The following RABGAP1 variants were observed in gnomAD, a reference collection of about 807,000 sequenced individuals.
RABGAP1 encodes the protein RAB GTPase activating protein 1, also known as rab GTPase-activating protein 1.
In RABGAP1, 23 loss-of-function variants were observed where a neutral mutation model predicts 137.6. The ratio of observed to expected loss-of-function variants is 0.17; its 90% CI spans 0.12 to 0.24. The LOEUF is 0.24. Among genes scored for constraint, RABGAP1 ranks in the 10% least tolerant of loss-of-function variants. The pLI, the probability that RABGAP1 is intolerant of heterozygous loss-of-function variation, is 1.00. For missense variants in RABGAP1, 906 were observed against 1,275.8 expected, an observed-to-expected ratio of 0.71 and a Z score of 4.42; for synonymous variants, 451 against 450.7, an observed-to-expected ratio of 1.00 and a Z score of -0.01.
intron 13 of RABGAP1, among the ~76,000 whole-genome samples, chr9:123,052,813 G>A (rs533297695): frequency 6.6e-6 from 1 of 152,198 alleles, no homozygotes; most frequent in African/African-American, 2.4e-5. Context: ...GATGGTGCAC[G>A]CCTGTAATCC....
chr9:122,997,288 G>A lies in RABGAP1; in HGVS notation c.1131G>A (p.Lys377=). The A allele has an allele frequency of 6.2e-7, 1 of 1,610,302 alleles. No individual in the cohort carries two copies. Among genetic ancestry groups the A allele is most frequent in the Non-Finnish European group, 8.5e-7 (1 of 1,178,670 alleles). Residue 377 remains lysine, a synonymous_variant, in exon 9 of 26, where the codon AAG becomes AAA. Coordinates refer to ENST00000373647, the MANE Select transcript of RABGAP1 (RefSeq NM_012197.4). The part of the protein sequence containing the change: ...LESMGKSSDG[K]SYVITGSWNP... Reference sequence around the variant, plus strand: ...CTATGGGCAAAAGTTCAGATGGAAAGTCGTATGTTATTACGGGGAGCTGGA... The same window carrying A: ...CTATGGGCAAAAGTTCAGATGGAAAATCGTATGTTATTACGGGGAGCTGGA...
rs549646858 is a variant in RABGAP1 at position 123,087,076 on chromosome 9, C to T, written c.2425-2682C>T. ...GTAAGAAGCAAATGAGATGTTGGTCCGTGTAAAAGTTCTATTATTTACCAG... is the reference window on the plus strand; with the variant it reads ...GTAAGAAGCAAATGAGATGTTGGTCTGTGTAAAAGTTCTATTATTTACCAG... On this transcript the variant is annotated intron_variant, in intron 19 of 25. Transcript: ENST00000373647. 1.3e-3 allele frequency among the ~76,000 whole-genome samples: 191 copies of T among 152,220 alleles called. 1 individual carries two copies. The highest frequency in any genetic ancestry group is 4.3e-3 in the African/African-American group (178 of 41,514).
chr9:123,059,917 T>C (rs772227021), intron 13 of RABGAP1, among the ~76,000 whole-genome samples: 35 of 152,356 alleles, frequency 2.3e-4, no homozygotes, highest in African/African-American at 3.4e-4. Context: ...TAGGCTGTTA[T>C]ATTAGTCTTG....
At chr9:122,973,462 T>C (rs1033627340) in intron 2 of RABGAP1, among the ~76,000 whole-genome samples, 1 of 152,008 alleles carries the variant, frequency 6.6e-6, no homozygotes, top group South Asian at 2.1e-4. Flanking sequence ...GGTCTCGATC[T>C]GACCTCGTGA....
Position 123,097,805 on chromosome 9 carries a change from C to T in RABGAP1, c.2693C>T (p.Ala898Val). The T allele has an allele frequency of 9.9e-6, 16 of 1,613,830 alleles. No individual in the cohort carries two copies. Among genetic ancestry groups the T allele is most frequent in the Non-Finnish European group, 1.4e-5 (16 of 1,179,906 alleles). ...LLMTKQKLID[A>V]EEEKRRLEEE... is the part of the protein sequence containing the mutation. ...ATGACCAAACAGAAGTTGATTGATG[C>T]AGAAGAAGAGAAAAGACGGCTGGAA... The change falls in exon 22 of 26, where the codon GCA becomes GTA. Residue 898 changes from alanine to valine, a missense_variant. This residue lies in a region of RABGAP1 where 193 missense variants were observed against 248.1 expected (regional missense o/e 0.78). Transcript: ENST00000373647.
chr9:122,974,415 CTTTTTTTTTT>C (rs11331973), intron 2 of RABGAP1, among the ~76,000 whole-genome samples: 41 of 58,232 alleles, frequency 7.0e-4, no homozygotes, highest in African/African-American at 2.6e-3. Context: ...ATGGCTTTGT[CTTTTTTTTTT>C]TTTTTTTTTT....
intron 15 of RABGAP1, chr9:123,071,516 T>C (rs2034355306): frequency 6.6e-6 from 1 of 152,246 alleles, no homozygotes; most frequent in Non-Finnish European, 1.5e-5. Flanking sequence ...ATAAGAGACA[T>C]GGTCTCAATC....
chr9:122,934,225 G>C, the RABGAP1 span, among the ~76,000 whole-genome samples: 1 of 151,544 alleles, frequency 6.6e-6, no homozygotes. Context: ...CTACAGGTGC[G>C]TGCCACCACA....
chr9:123,057,753 C>G (rs1387625836), intron 13 of RABGAP1, among the ~76,000 whole-genome samples: 1 of 152,210 alleles, frequency 6.6e-6, no homozygotes, highest in Non-Finnish European at 1.5e-5. Context: ...TGCACTCCAG[C>G]CTGGGCACCA....
At chr9:122,986,810 A>G (rs181730566) in intron 4 of RABGAP1, among the ~76,000 whole-genome samples, 3 of 152,292 alleles carry the variant, frequency 2.0e-5, no homozygotes, top group African/African-American at 7.2e-5. Context: ...TATTAACTAT[A>G]CCAGCACACC....
intron 19 of RABGAP1, among the ~76,000 whole-genome samples, chr9:123,077,602 T>TA (rs1291652140): frequency 1.2e-4 from 18 of 151,888 alleles, no homozygotes; most frequent in Non-Finnish European, 2.5e-4. Context: ...GTGTTCATGT[T>TA]ATCATAACAT....
At position 123,099,527 on chromosome 9, in the gene RABGAP1, A is replaced by C. The variant is rs753758770; in HGVS notation, c.2867A>C (p.Lys956Thr). 1 of 1,612,714 alleles carries C rather than the reference A, an allele frequency of 6.2e-7. No individual in the cohort carries two copies. The highest frequency in any genetic ancestry group is 1.1e-5 in the South Asian group (1 of 91,044). ...TTGGAGAAGCAGCAGACAGCCAATA[A>C]GGTGGAAATTGAGAAAATTCGGGTA... Reference protein sequence around the residue: ...ERLEKQQTANKVEIEKIRQKV... With the variant: ...ERLEKQQTANTVEIEKIRQKV... Residue 956 changes from lysine to threonine, a missense_variant, in exon 24 of 26, where the codon AAG becomes ACG. Lys to Thr is a moderately conservative substitution (Grantham distance 78). Transcript: ENST00000373647.
chr9:122,997,281 A>C lies in RABGAP1; in HGVS notation c.1124A>C (p.Asp375Ala). Residue 375 changes from aspartate (D) to alanine (A), a missense_variant, in exon 9 of 26, where the codon GAT (aspartate) becomes GCT (alanine). Asp to Ala is a moderately radical substitution (Grantham distance 126). This residue lies in a region of RABGAP1 where 212 missense variants were observed against 289.4 expected (regional missense o/e 0.73). Coordinates refer to ENST00000373647, the MANE Select transcript of RABGAP1 (RefSeq NM_012197.4). The part of the protein sequence containing the change: ...LDLESMGKSS[D>A]GKSYVITGSW... ...TAGGAATCTATGGGCAAAAGTTCAG[A>C]TGGAAAGTCGTATGTTATTACGGGG... is the stretch of plus-strand genomic sequence containing the variant. 6.2e-6 allele frequency: 10 copies of C among 1,606,486 alleles called. No homozygotes were observed. Among genetic ancestry groups the C allele is most frequent in the Non-Finnish European group, 8.5e-6 (10 of 1,177,774 alleles).
intron 11 of RABGAP1, 53 bp from the exon 12 acceptor site, chr9:123,015,490 C>T: frequency 8.7e-7 from 1 of 1,153,330 alleles, no homozygotes; most frequent in South Asian, 1.4e-5. Context: ...CAGTGTTCTT[C>T]TGGCTAGCAT....
At chr9:122,947,037 C>T (rs551949096) in intron 1 of RABGAP1, among the ~76,000 whole-genome samples, 1 of 152,184 alleles carries the variant, frequency 6.6e-6, no homozygotes, top group South Asian at 2.1e-4. Flanking sequence ...TTACATCTAC[C>T]TCATGGAACT....
intron 6 of RABGAP1, 88 bp from the exon 7 acceptor site, chr9:122,995,953 A>C (rs574896907): frequency 2.0e-6 from 3 of 1,478,650 alleles, no homozygotes; most frequent in South Asian, 1.5e-5. Flanking sequence ...GAAAAGAATC[A>C]GAGATTTGAG....
At chr9:123,034,674 CT>C (rs1564148717) in intron 13 of RABGAP1, 1 of 1,612,838 alleles carries the variant, frequency 6.2e-7, no homozygotes, top group South Asian at 1.1e-5. Flanking sequence ...TGATTATTGT[CT>C]TTCTAACTGT....
chr9:122,951,112 C>G (rs1242921945), intron 1 of RABGAP1, among the ~76,000 whole-genome samples: 1 of 151,978 alleles, frequency 6.6e-6, no homozygotes, highest in Non-Finnish European at 1.5e-5. Flanking sequence ...GTGGGGAGTT[C>G]CATTGAAGTG....
At chr9:122,979,217 G>A (rs771528580) in intron 2 of RABGAP1, among the ~76,000 whole-genome samples, 6 of 152,110 alleles carry the variant, frequency 3.9e-5, no homozygotes, top group Non-Finnish European at 8.8e-5. Flanking sequence ...TCTTATAAGG[G>A]TATAGAGGCA....
Sources: gnomAD v4.1 joint callset for allele counts (sites outside exome capture counted in the v4.1 genomes callset) on GRCh38, gnomAD v4.1.1 for gene constraint, gnomAD v4.1.1 regional missense constraint, MANE v1.5 for transcripts, NCBI Gene and HGNC (gene_info 2026-07-23, HGNC 2026-07-21) for gene names.